The following NUDT12 variants were observed in gnomAD, a reference collection of about 807,000 sequenced individuals.
NUDT12 encodes nudix hydrolase 12.
In NUDT12, 42 loss-of-function variants were observed where a neutral mutation model predicts 45.7. The observed-to-expected ratio is 0.92, with a 90% confidence interval of 0.72 to 1.19. NUDT12 has a LOEUF of 1.19. NUDT12 is among the 50% of genes most tolerant of loss of function. NUDT12 has a pLI of 0.00. For synonymous variants in NUDT12, 206 were observed against 179.7 expected (o/e 1.15, Z -1.17); for missense variants, 590 against 533.1 (o/e 1.11, Z -1.05).
At chr5:103,555,785 AAGTG>A (rs1580694369) in intron 4 of NUDT12, 142 bp downstream of exon 4, 2 of 476,212 alleles carry the variant, frequency 4.2e-6, no homozygotes, top group East Asian at 6.9e-5. Context: ...AAAATCATGA[AAGTG>A]TGTAACACTT....
chr5:103,553,649 T>C (rs1196432627), intron 5 of NUDT12, among the ~76,000 whole-genome samples: 1 of 152,032 alleles, frequency 6.6e-6, no homozygotes, highest in Non-Finnish European at 1.5e-5. Flanking sequence ...CTCTTGCAAA[T>C]GTGCACAAGG....
rs775953280 is a variant in NUDT12 at position 103,559,437 on chromosome 5, G to A, written c.238C>T (p.Gln80Ter). 1.3e-6 allele frequency: 2 copies of A among 1,550,188 alleles called. No homozygotes were observed. Among genetic ancestry groups the A allele is most frequent in the South Asian group, 1.3e-5 (1 of 79,598 alleles). The change falls in exon 3 of 7, where the codon CAG (glutamine) becomes TAG (stop). Residue 80 changes from glutamine to a stop codon, truncating the protein, a stop_gained. Transcript: ENST00000230792. LOFTEE classifies it high-confidence loss of function. ...AATACAGCAATGTCCAGTGCAGTCT[G>A]CCTTGATTTATTGACAATTGATCTG... ...CDRSIVNKSR[Q>*]TALDIAVFWG...
intron 3 of NUDT12, among the ~76,000 whole-genome samples, chr5:103,557,349 C>A (rs1416877182): frequency 7.0e-6 from 1 of 142,720 alleles, no homozygotes; most frequent in African/African-American, 2.6e-5. Context: ...ATGATTTCTC[C>A]ACAGGTGTGG....
chr5:103,561,247 AAGGTTAT>A (rs1311990493), intron 1 of NUDT12, among the ~76,000 whole-genome samples: 2 of 152,154 alleles, frequency 1.3e-5, no homozygotes, highest in Non-Finnish European at 2.9e-5. Context: ...AAAAGACAGA[AAGGTTAT>A]AGCCCATAGT....
rs1316191403 is a variant in NUDT12, at chr5:103,549,188, C to T, written c.*1673G>A. The T allele has an allele frequency of 1.3e-5, 2 of 151,992 alleles. No individual in the cohort carries two copies. The highest frequency in any genetic ancestry group is 6.6e-5 in the Admixed American group (1 of 15,260). 9.4% of individuals were successfully genotyped at this position (151,992 alleles called of 1,614,324 possible). ...TATTAAAAGTACATTTAGAGTAAAACTGAATTTCAAGATGCTCTATTTCAT... is the reference window on the plus strand; with the variant it reads ...TATTAAAAGTACATTTAGAGTAAAATTGAATTTCAAGATGCTCTATTTCAT... On this transcript the variant is annotated 3_prime_UTR_variant, in exon 7 of 7. Coordinates refer to ENST00000230792, the MANE Select transcript of NUDT12 (RefSeq NM_031438.4).
intron 6 of NUDT12, among the ~76,000 whole-genome samples, chr5:103,551,709 A>G (rs1009936000): frequency 6.6e-6 from 1 of 152,162 alleles, no homozygotes; most frequent in Non-Finnish European, 1.5e-5. Context: ...ATCTTTTAAT[A>G]TATTATTTAG....
In NUDT12 at chr5:103,559,124, A is replaced by C. The variant is rs1157695340; in HGVS notation, c.551T>G (p.Ile184Arg). The C allele has an allele frequency of 6.2e-7, 1 of 1,600,844 alleles. No individual in the cohort carries two copies. The highest frequency in any genetic ancestry group is 1.1e-5 in the South Asian group (1 of 88,176). ...VRLCQLNYTD[I>R]KDYLAQPEKI... ...CTCAGGCTGGGCCAAATAATCCTTTATATCTGTGTAGTTCAGCTGACAAAG... is the reference window on the plus strand; with the variant it reads ...CTCAGGCTGGGCCAAATAATCCTTTCTATCTGTGTAGTTCAGCTGACAAAG... Residue 184 changes from isoleucine to arginine, a missense_variant, in exon 3 of 7, where the codon ATA (isoleucine) becomes AGA (arginine). By Grantham distance (97) the Ile-to-Arg change is moderately conservative. Coordinates refer to ENST00000230792, the MANE Select transcript of NUDT12 (RefSeq NM_031438.4).
rs1748976092 is a variant in NUDT12 at position 103,559,883 on chromosome 5, T to C, written c.206+160A>G. On this transcript the variant is annotated intron_variant, in intron 2 of 6. Coordinates refer to ENST00000230792, the MANE Select transcript of NUDT12 (RefSeq NM_031438.4). The stretch of plus-strand genomic sequence containing the variant: ...CTCAATGAAAAAGGTTACAAAGTTT[T>C]AAGTTAGAAAAATTGTGCTACATTT... The C allele has an allele frequency of 7.1e-6, 4 of 565,730 alleles. No homozygotes were observed. The African/African-American group carries it at 7.5e-5, about 11-fold the overall frequency. 35.0% of individuals were successfully genotyped at this position (565,730 alleles called of 1,614,324 possible). A position where few individuals can be genotyped will look rare whatever the true frequency, so the allele number is the denominator to read the frequency against.
intron 1 of NUDT12, among the ~76,000 whole-genome samples, chr5:103,561,919 T>C (rs1029352921): frequency 3.9e-5 from 6 of 152,220 alleles, no homozygotes; most frequent in Non-Finnish European, 7.3e-5. Flanking sequence ...GTGGAAAGTG[T>C]ACACTTTTCC....
chr5:103,559,720 A>G (rs2112457425), intron 2 of NUDT12: 1 of 451,296 alleles, frequency 2.2e-6, no homozygotes, highest in African/African-American at 2.0e-5. Flanking sequence ...AACAGTATTA[A>G]GCTTTATGCA....
intron 3 of NUDT12, among the ~76,000 whole-genome samples, chr5:103,556,700 T>C (rs1473422273): frequency 6.6e-6 from 1 of 152,090 alleles, no homozygotes; most frequent in Non-Finnish European, 1.5e-5. Context: ...TTAAAATATA[T>C]ACACTTTAGC....
rs559455312 is a variant in NUDT12 at position 103,558,878 on chromosome 5, C to G, written c.796+1G>C. On this transcript the variant is annotated splice_donor_variant, in intron 3 of 6. Coordinates refer to ENST00000230792, the MANE Select transcript of NUDT12 (RefSeq NM_031438.4). LOFTEE classifies it high-confidence loss of function. ...AATGAAAAGCAGCATTCATTTCTTACCAGCTTCTTTTTCTTTCAATTGCAG... is the reference window on the plus strand; with the variant it reads ...AATGAAAAGCAGCATTCATTTCTTAGCAGCTTCTTTTTCTTTCAATTGCAG... 1 of 1,546,286 alleles carries G rather than the reference C, an allele frequency of 6.5e-7. No homozygotes were observed. The highest frequency in any genetic ancestry group is 2.3e-5 in the East Asian group (1 of 43,808).
intron 3 of NUDT12, among the ~76,000 whole-genome samples, chr5:103,557,295 A>G (rs897007422): frequency 4.1e-5 from 6 of 145,498 alleles, no homozygotes; most frequent in South Asian, 4.4e-4. Flanking sequence ...ATATATATAT[A>G]TATATATATG....
intron 6 of NUDT12, 122 bp downstream of exon 6, chr5:103,552,095 A>T: frequency 1.4e-6 from 1 of 695,868 alleles, no homozygotes. Context: ...CATGTAATCC[A>T]TGCATAATGA....
chr5:103,554,300 T>A (rs1988929), intron 5 of NUDT12, among the ~76,000 whole-genome samples: 96,692 of 151,794 alleles, frequency 0.64, 31,265 homozygotes, highest in Middle Eastern at 0.77. Flanking sequence ...ATATACATAC[T>A]TACATACGGT....
intron 5 of NUDT12, among the ~76,000 whole-genome samples, chr5:103,552,845 AATT>A (rs1472792343): frequency 6.6e-6 from 1 of 152,178 alleles, no homozygotes; most frequent in Non-Finnish European, 1.5e-5. Flanking sequence ...GTTGTCAAAC[AATT>A]ATTGCAGGTA....
chr5:103,554,843 T>C lies in NUDT12; in HGVS notation c.975A>G (p.Val325=). The change falls in exon 5 of 7, where the codon GTA becomes GTG. Residue 325 remains valine (V), a synonymous_variant. Coordinates refer to ENST00000230792, the MANE Select transcript of NUDT12 (RefSeq NM_031438.4). The part of the protein sequence containing the change: ...NTSYPRVDPV[V]IMQVIHPDGT... ...CATCTGGATGAATAACTTGCATGATTACTACTGGATCTGTTGAAAAAAAAA... is the reference window on the plus strand; with the variant it reads ...CATCTGGATGAATAACTTGCATGATCACTACTGGATCTGTTGAAAAAAAAA... 6.8e-7 allele frequency: 1 copy of C among 1,476,104 alleles called. No individual in the cohort carries two copies. The highest frequency in any genetic ancestry group is 9.2e-7 in the Non-Finnish European group (1 of 1,090,738). The allele number at this position is 1,476,104 out of a possible 1,614,324, so 91.4% of individuals were successfully genotyped here.
intron 1 of NUDT12, among the ~76,000 whole-genome samples, chr5:103,560,786 G>C (rs907727940): frequency 6.6e-6 from 1 of 152,102 alleles, no homozygotes; most frequent in African/African-American, 2.4e-5. Context: ...ATATTACTCC[G>C]TATTATTCTT....
At chr5:103,552,048 G>T (rs1318426805) in intron 6 of NUDT12, among the ~76,000 whole-genome samples, 169 bp downstream of exon 6, 2 of 152,116 alleles carry the variant, frequency 1.3e-5, no homozygotes, top group Non-Finnish European at 2.9e-5. Flanking sequence ...GATCACATTA[G>T]TGAAACATAC....
Sources: gnomAD v4.1 joint callset for allele counts (sites outside exome capture counted in the v4.1 genomes callset) on GRCh38, gnomAD v4.1.1 for gene constraint, MANE v1.5 for transcripts, NCBI Gene and HGNC (gene_info 2026-07-23, HGNC 2026-07-21) for gene names.